Variants in RBX1 observed in about 807,000 individuals in gnomAD.
RBX1 encodes the protein E3 ubiquitin-protein ligase RBX1.
For synonymous variants in RBX1, 48 were observed against 47.9 expected (o/e 1.00, Z -0.01); for missense variants, 46 against 141.4 (o/e 0.33, Z 3.42).
chr22:40,972,380 G>C lies in RBX1; in HGVS notation c.315-96G>C. ...CCTGGAGCACACTGTGATCACTTAGGTTCTAACTAAAGTTGCTTATGTGTT... is the reference window on the plus strand; with the variant it reads ...CCTGGAGCACACTGTGATCACTTAGCTTCTAACTAAAGTTGCTTATGTGTT... On this transcript the variant is annotated intron_variant, in intron 4 of 4. Coordinates refer to ENST00000216225, the MANE Select transcript of RBX1 (RefSeq NM_014248.4). The C allele has an allele frequency of 4.4e-6, 4 of 904,546 alleles. No homozygotes were observed. In the South Asian group the frequency reaches 5.7e-5, roughly 13 times the overall value. The allele number at this position is 904,546 out of a possible 1,614,324, so 56.0% of individuals were successfully genotyped here. A position where few individuals can be genotyped will look rare whatever the true frequency, so the allele number is the denominator to read the frequency against.
intron 1 of RBX1, among the ~76,000 whole-genome samples, chr22:40,952,058 C>G (rs1250835259): frequency 6.6e-6 from 1 of 152,134 alleles, no homozygotes; most frequent in Admixed American, 6.6e-5. Context: ...CTTGGCTCTT[C>G]TGAGACGTCT....
rs922349270 is a variant in RBX1 at position 40,972,458 on chromosome 22, ATTTAC to A, written c.315-14_315-10del. The A allele has an allele frequency of 5.0e-6, 8 of 1,600,394 alleles. No individual in the cohort carries two copies. The African/African-American group carries it at 5.4e-5, about 11-fold the overall frequency. ...AATTATCTTGGAATTAATCAGAGTA[ATTTAC>A]TTTGTCTTTCAGGTATGGGCACTAG... On this transcript the variant is annotated splice_polypyrimidine_tract_variant and intron_variant, in intron 4 of 4. Transcript: ENST00000216225.
At chr22:40,965,162 G>A (rs1006677258) in intron 3 of RBX1, among the ~76,000 whole-genome samples, 2 of 151,992 alleles carry the variant, frequency 1.3e-5, no homozygotes, top group South Asian at 2.1e-4. Flanking sequence ...AATTAGCCGG[G>A]TGTGGTGGCA....
intron 3 of RBX1, chr22:40,966,699 A>G (rs1246956655): frequency 6.6e-6 from 1 of 152,228 alleles, no homozygotes; most frequent in African/African-American, 2.4e-5. Context: ...TCCATATTAT[A>G]TAATCCCTTA....
At chr22:40,960,316 C>T (rs187135514) in intron 2 of RBX1, among the ~76,000 whole-genome samples, 1 of 151,956 alleles carries the variant, frequency 6.6e-6, no homozygotes, top group Admixed American at 6.6e-5. Context: ...GTTAAGAGTG[C>T]CTGAAGGAGA....
At chr22:40,968,198 C>T (rs1370596876) in intron 4 of RBX1, among the ~76,000 whole-genome samples, 1 of 151,270 alleles carries the variant, frequency 6.6e-6, no homozygotes, top group Non-Finnish European at 1.5e-5. Context: ...TCAAGCGATC[C>T]TCCCACCTCA....
intron 4 of RBX1, among the ~76,000 whole-genome samples, chr22:40,968,380 C>T (rs566317563): frequency 4.6e-4 from 70 of 152,084 alleles, no homozygotes; most frequent in Non-Finnish European, 7.8e-4. Flanking sequence ...TGTGAGCCAC[C>T]GTGCCCGGCA....
intron 2 of RBX1, among the ~76,000 whole-genome samples, chr22:40,962,090 G>GGTTTGTTTGTTT (rs537349410): frequency 9.9e-4 from 150 of 151,756 alleles, no homozygotes; most frequent in Middle Eastern, 6.8e-3. Flanking sequence ...AGCCTTTTAT[G>GGTTTGTTTGTTT]GTTTGTTTGT....
At chr22:40,965,655 G>A (rs1342567973) in intron 3 of RBX1, among the ~76,000 whole-genome samples, 1 of 152,108 alleles carries the variant, frequency 6.6e-6, no homozygotes, top group Non-Finnish European at 1.5e-5. Flanking sequence ...TGGCCAGGCT[G>A]GTCTTAAACT....
At position 40,972,424 on chromosome 22, in the gene RBX1, C is replaced by CA. The variant is rs1357249887; in HGVS notation, c.315-49dup. The CA allele has an allele frequency of 4.6e-6, 7 of 1,515,312 alleles. No individual in the cohort carries two copies. The African/African-American group carries it at 6.9e-5, about 15-fold the overall frequency. 93.9% of individuals were successfully genotyped at this position (1,515,312 alleles called of 1,614,324 possible). ...ATGTGTTTAAGCAGGTTTTATGTCT[C>CA]AAACAGGAAATTATCTTGGAATTAA... On this transcript the variant is annotated intron_variant, in intron 4 of 4. Transcript: ENST00000216225.
chr22:40,963,828 G>A (rs139463747), intron 2 of RBX1, among the ~76,000 whole-genome samples: 4 of 152,304 alleles, frequency 2.6e-5, no homozygotes, highest in African/African-American at 4.8e-5. Flanking sequence ...CCTGGGCAAC[G>A]GGAGTGAGAT....
At chr22:40,954,520 C>A (rs997727102) in intron 2 of RBX1, among the ~76,000 whole-genome samples, 1 of 152,126 alleles carries the variant, frequency 6.6e-6, no homozygotes, top group African/African-American at 2.4e-5. Context: ...CCTGTCCTTA[C>A]AGTAGAAGGG....
At chr22:40,957,355 G>T (rs1373814594) in intron 2 of RBX1, among the ~76,000 whole-genome samples, 1 of 145,408 alleles carries the variant, frequency 6.9e-6, no homozygotes, top group African/African-American at 2.5e-5. Flanking sequence ...CAAAAAAAAA[G>T]ACACTCTTGG....
chr22:40,967,359 C>G (rs1041954308), intron 3 of RBX1: 1 of 156,396 alleles, frequency 6.4e-6, no homozygotes. Flanking sequence ...GGAGAAGGCT[C>G]TGCTCCTACA....
chr22:40,961,081 C>CT (rs61092253), intron 2 of RBX1, among the ~76,000 whole-genome samples: 7,326 of 107,564 alleles, frequency 0.068, 361 homozygotes, highest in East Asian at 0.19. Context: ...CGTGCCTGGC[C>CT]TTTTTTTTTT....
At chr22:40,957,892 T>C (rs145067269) in intron 2 of RBX1, among the ~76,000 whole-genome samples, 8 of 152,072 alleles carry the variant, frequency 5.3e-5, no homozygotes, top group Middle Eastern at 3.4e-3. Flanking sequence ...TGGCACGATC[T>C]CGGCTTACTG....
At chr22:40,963,970 A>G in intron 2 of RBX1, 77 bp from the exon 3 acceptor site, 1 of 1,057,260 alleles carries the variant, frequency 9.5e-7, no homozygotes, top group South Asian at 1.3e-5. Context: ...TAACCACTTG[A>G]GAATTGTTTT....
At chr22:40,965,830 C>T (rs1206966232) in intron 3 of RBX1, among the ~76,000 whole-genome samples, 3 of 152,148 alleles carry the variant, frequency 2.0e-5, no homozygotes, top group African/African-American at 7.2e-5. Flanking sequence ...CATGGGGGAG[C>T]TTTAATCGTT....
chr22:40,952,391 A>G (rs368505158), intron 1 of RBX1, among the ~76,000 whole-genome samples: 6 of 152,352 alleles, frequency 3.9e-5, no homozygotes, highest in African/African-American at 1.4e-4. Flanking sequence ...CATCTGGCTA[A>G]ACACTGACAA....
Sources: allele counts gnomAD v4.1 joint callset (sites outside exome capture counted in the v4.1 genomes callset), GRCh38; gene constraint gnomAD v4.1.1; transcripts MANE v1.5; gene names NCBI Gene and HGNC (gene_info 2026-07-23, HGNC 2026-07-21).